The following LYZL1 variants were observed in gnomAD, a reference collection of about 807,000 sequenced individuals.
The protein encoded by LYZL1 is lysozyme-like protein 1.
LYZL1 carries 16 observed loss-of-function variants against 17.9 expected under a neutral mutation model. That is an observed-to-expected ratio of 0.90 (90% confidence interval 0.61 to 1.36). LYZL1 has a LOEUF of 1.36. Among genes scored for constraint, LYZL1 ranks in the 40% most tolerant of loss-of-function variants. The probability of loss-of-function intolerance (pLI) is 0.00; values close to 1 mark genes in which losing one functional copy is unlikely to be tolerated. For synonymous variants in LYZL1, 58 were observed against 71.8 expected (o/e 0.81, Z 0.97); for missense variants, 149 against 188.4 (o/e 0.79, Z 1.22).
In LYZL1 at chr10:29,311,009, T is replaced by G. The variant is rs1268127787; in HGVS notation, c.397T>G (p.Cys133Gly). 2 of 1,614,154 alleles carry G rather than the reference T, an allele frequency of 1.2e-6. No homozygotes were observed. The highest frequency in any genetic ancestry group is 3.3e-5 in the Admixed American group (2 of 60,028). Reference protein sequence around the residue: ...MNYWQGWKKHCEGRDLSEWKK... With the variant: ...MNYWQGWKKHGEGRDLSEWKK... ...CCTCAGGCAAGGCTGGAAGAAACAT[T>G]GTGAGGGCAGAGACCTGTCCGAGTG... Residue 133 changes from cysteine to glycine, a missense_variant, in exon 5 of 5, where the codon TGT (cysteine) becomes GGT (glycine). Coordinates refer to ENST00000649382, the MANE Select transcript of LYZL1 (RefSeq NM_032517.6).
At chr10:29,318,120 C>T in intron 4 of LYZL1, 1 of 983,204 alleles carries the variant, frequency 1.0e-6, no homozygotes, top group Non-Finnish European at 1.2e-6. Flanking sequence ...TGAAAGAAAC[C>T]ACCTGAAACT....
At chr10:29,303,137 T>C (rs1835544196) in intron 3 of LYZL1, among the ~76,000 whole-genome samples, 1 of 152,216 alleles carries the variant, frequency 6.6e-6, no homozygotes, top group African/African-American at 2.4e-5. Context: ...TACCTGTGCA[T>C]ACCCAGTTTA....
chr10:29,303,451 T>C (rs1835548638), intron 3 of LYZL1, among the ~76,000 whole-genome samples: 1 of 152,182 alleles, frequency 6.6e-6, no homozygotes, highest in Non-Finnish European at 1.5e-5. Flanking sequence ...TCTAGTCTTC[T>C]GGTTGTTTAC....
intron 3 of LYZL1, among the ~76,000 whole-genome samples, chr10:29,300,578 T>G (rs2132824273): frequency 6.6e-6 from 1 of 152,314 alleles, no homozygotes; most frequent in East Asian, 1.9e-4. Context: ...GTATTTACTA[T>G]TTCCAATACT....
chr10:29,292,469 A>T, intron 2 of LYZL1, 50 bp from the exon 3 acceptor site: 2 of 1,600,384 alleles, frequency 1.2e-6, no homozygotes, highest in South Asian at 2.3e-5. Context: ...CCAAGCTTAG[A>T]GCAAAAGATG....
chr10:29,309,250 A>C (rs530986778), intron 3 of LYZL1, among the ~76,000 whole-genome samples: 2 of 150,268 alleles, frequency 1.3e-5, no homozygotes, highest in African/African-American at 4.9e-5. Flanking sequence ...AATTGCTTGA[A>C]GCCAGGAGGC....
At chr10:29,290,654 C>T (rs780251108) in intron 1 of LYZL1, among the ~76,000 whole-genome samples, 106 of 152,238 alleles carry the variant, frequency 7.0e-4, no homozygotes, top group Admixed American at 2.3e-3. Flanking sequence ...GCCTGACCAA[C>T]AGTGTGAAAC....
chr10:29,289,856 C>A (rs1228537601), intron 1 of LYZL1, among the ~76,000 whole-genome samples: 1 of 152,158 alleles, frequency 6.6e-6, no homozygotes, highest in Non-Finnish European at 1.5e-5. Context: ...GCCTCAAACA[C>A]AATTACTGAA....
At chr10:29,300,935 C>T (rs575084236) in intron 3 of LYZL1, among the ~76,000 whole-genome samples, 61 of 152,282 alleles carry the variant, frequency 4.0e-4, no homozygotes, top group Admixed American at 1.2e-3. Flanking sequence ...AATCCTCCCA[C>T]CTTAGCCTCC....
In LYZL1 at chr10:29,309,694, C is replaced by T. The variant is rs961065932; in HGVS notation, c.299-416C>T. Among the ~76,000 whole-genome samples, 10 of 152,252 alleles carry T rather than the reference C, an allele frequency of 6.6e-5. 1 individual carries two copies. Among genetic ancestry groups the T allele is most frequent in the African/African-American group, 2.4e-4 (10 of 41,548 alleles). ...TACTTTTTGTAGAGATGGGATCTTG[C>T]TACGTTGCCCAGGCTGGACTCAAAC... On this transcript the variant is annotated intron_variant, in intron 3 of 4. Transcript: ENST00000649382.
intron 3 of LYZL1, among the ~76,000 whole-genome samples, chr10:29,308,445 T>A (rs1835625802): frequency 6.6e-6 from 1 of 152,226 alleles, no homozygotes; most frequent in African/African-American, 2.4e-5. Context: ...TTCATAGGTG[T>A]GGATCCCTGA....
chr10:29,290,906 C>T (rs1485600667), intron 1 of LYZL1, among the ~76,000 whole-genome samples: 1 of 152,112 alleles, frequency 6.6e-6, no homozygotes, highest in African/African-American at 2.4e-5. Context: ...GGAACTGAAT[C>T]AAGAAAAGAA....
At chr10:29,289,417 CTTTT>C (rs11347424) in intron 1 of LYZL1, among the ~76,000 whole-genome samples, 187 bp downstream of exon 1, 4 of 128,734 alleles carry the variant, frequency 3.1e-5, no homozygotes, top group Non-Finnish European at 4.9e-5. Flanking sequence ...TTTTTCTTTT[CTTTT>C]TTTTTTTTTT....
chr10:29,293,537 A>C (rs1835405787), intron 3 of LYZL1, among the ~76,000 whole-genome samples: 1 of 152,230 alleles, frequency 6.6e-6, no homozygotes, highest in South Asian at 2.1e-4. Context: ...TGAGGATAAC[A>C]AAATACATCA....
intron 1 of LYZL1, among the ~76,000 whole-genome samples, chr10:29,290,242 A>G (rs1348170165): frequency 6.6e-6 from 1 of 152,198 alleles, no homozygotes; most frequent in Non-Finnish European, 1.5e-5. Context: ...AGTTGTCAGA[A>G]ATTTCACTTC....
At position 29,289,087 on chromosome 10, in the gene LYZL1, G is replaced by C. The variant is rs150151062; in HGVS notation, c.-169G>C. On this transcript the variant is annotated 5_prime_UTR_variant, in exon 1 of 5. Coordinates refer to ENST00000649382, the MANE Select transcript of LYZL1 (RefSeq NM_032517.6). ...CTTGAGCTAGGAAAGGATTACTCGCGCCTCGTTAGAATCAGACATGGCTTC... is the reference window on the plus strand; with the variant it reads ...CTTGAGCTAGGAAAGGATTACTCGCCCCTCGTTAGAATCAGACATGGCTTC... 22 of 1,535,790 alleles carry C rather than the reference G, an allele frequency of 1.4e-5. 1 individual carries two copies. The South Asian group carries it at 2.6e-4, about 18-fold the overall frequency.
chr10:29,314,424 G>A (rs1175479336), downstream of LYZL1, among the ~76,000 whole-genome samples: 1 of 152,102 alleles, frequency 6.6e-6, no homozygotes, highest in Non-Finnish European at 1.5e-5. Flanking sequence ...GACCAGCCTG[G>A]GCAACACAGT....
downstream of LYZL1, among the ~76,000 whole-genome samples, chr10:29,313,153 T>C (rs749659141): frequency 6.6e-6 from 1 of 152,178 alleles, no homozygotes; most frequent in Non-Finnish European, 1.5e-5. Context: ...AACATACATG[T>C]CATCCTGGGA....
chr10:29,290,410 AG>A (rs1345122194), intron 1 of LYZL1, among the ~76,000 whole-genome samples: 2 of 152,118 alleles, frequency 1.3e-5, no homozygotes, highest in East Asian at 3.9e-4. Flanking sequence ...CTGCTCCCCC[AG>A]GTGCTTTCCT....
Sources: gnomAD v4.1 joint callset for allele counts (sites outside exome capture counted in the v4.1 genomes callset) on GRCh38, gnomAD v4.1.1 for gene constraint, MANE v1.5 for transcripts, NCBI Gene and HGNC (gene_info 2026-07-23, HGNC 2026-07-21) for gene names.